MGME1: variants seen among roughly 807,000 people sequenced by gnomAD.
MGME1 encodes chromosome 20 open reading frame 72.
In MGME1, 22 loss-of-function variants were observed where a neutral mutation model predicts 33.0. That is an observed-to-expected ratio of 0.67 (90% CI 0.48 to 0.95). The LOEUF is 0.95. MGME1 is among the 40% of genes least tolerant of loss of function. MGME1 has a pLI of 0.00. For synonymous variants in MGME1, 133 were observed against 144.0 expected (o/e 0.92, Z 0.55); for missense variants, 383 against 397.8 (o/e 0.96, Z 0.32).
At chr20:17,973,335 G>C (rs1600380204) in intron 2 of MGME1, among the ~76,000 whole-genome samples, 4 of 151,778 alleles carry the variant, frequency 2.6e-5, no homozygotes, top group Admixed American at 2.6e-4. Context: ...AAAAAGAATT[G>C]ACATTTCCAT....
At chr20:17,969,738 A>G (rs911974738) in intron 1 of MGME1, 63 bp from the exon 2 acceptor site, 5 of 1,049,426 alleles carry the variant, frequency 4.8e-6, no homozygotes, top group Non-Finnish European at 5.5e-6. Flanking sequence ...AAAGTTCACA[A>G]TTTTGATGTG....
At position 17,970,379 on chromosome 20, in the gene MGME1, C is replaced by T. The variant is rs2122484131; in HGVS notation, c.511+9C>T. On this transcript the variant is annotated intron_variant, in intron 2 of 4. Coordinates refer to ENST00000377710, the MANE Select transcript of MGME1 (RefSeq NM_052865.4). Reference sequence around the variant, plus strand: ...TAAAGAATACACTTCAAGTAATTATCTCAATTCTGATTCTATATGTTTGCT... The same window carrying T: ...TAAAGAATACACTTCAAGTAATTATTTCAATTCTGATTCTATATGTTTGCT... 2 of 1,596,720 alleles carry T rather than the reference C, an allele frequency of 1.3e-6. No homozygotes were observed. Among genetic ancestry groups the T allele is most frequent in the East Asian group, 2.2e-5 (1 of 44,758 alleles).
chr20:17,975,735 C>T lies in MGME1; in HGVS notation c.563C>T (p.Ser188Leu). 3 of 1,613,942 alleles carry T rather than the reference C, an allele frequency of 1.9e-6. No individual in the cohort carries two copies. Among genetic ancestry groups the T allele is most frequent in the Non-Finnish European group, 1.7e-6 (2 of 1,179,992 alleles). ...RFHEALESIL[S>L]PQETLKERDE... ...CACGAAGCCTTGGAAAGCATACTTT[C>T]ACCCCAGGAAACCTTAAAAGAGAGA... The change falls in exon 3 of 5, where the codon TCA becomes TTA. Residue 188 changes from serine to leucine, a missense_variant. Coordinates refer to ENST00000377710, the MANE Select transcript of MGME1 (RefSeq NM_052865.4).
At chr20:17,989,015 G>T (rs1444427866) in intron 4 of MGME1, among the ~76,000 whole-genome samples, 1 of 152,132 alleles carries the variant, frequency 6.6e-6, no homozygotes, top group East Asian at 1.9e-4. Context: ...CTTGAGCCCA[G>T]GAAGTGGAGG....
chr20:17,970,078 G>A lies in MGME1; in HGVS notation c.219G>A (p.Glu73=). Residue 73 remains glutamate (E), a synonymous_variant, in exon 2 of 5, where the codon GAG becomes GAA. Transcript: ENST00000377710. ...TCGCCCAGACCCCGGGATCGGTGGA[G>A]GAAGATGCTTTGCTCTGTGGACCCG... ...RGVAQTPGSV[E]EDALLCGPVS... 1 of 1,614,254 alleles carries A rather than the reference G, an allele frequency of 6.2e-7. No homozygotes were observed. The highest frequency in any genetic ancestry group is 8.5e-7 in the Non-Finnish European group (1 of 1,180,040).
At chr20:17,970,474 C>A in intron 2 of MGME1, 104 bp downstream of exon 2, 1 of 1,133,174 alleles carries the variant, frequency 8.8e-7, no homozygotes, top group Non-Finnish European at 1.2e-6. Flanking sequence ...AACTTACTAG[C>A]AAGGAACTCC....
intron 3 of MGME1, among the ~76,000 whole-genome samples, chr20:17,977,028 G>A (rs896117364): frequency 6.6e-6 from 1 of 151,990 alleles, no homozygotes; most frequent in Non-Finnish European, 1.5e-5. Context: ...AGTGTTACAG[G>A]AAAGGGGTCC....
intron 3 of MGME1, among the ~76,000 whole-genome samples, chr20:17,982,354 A>G (rs560010887): frequency 6.6e-6 from 1 of 152,244 alleles, no homozygotes; most frequent in South Asian, 2.1e-4. Context: ...TCCTGACCTC[A>G]GGTGATCCAC....
chr20:17,988,715 A>C (rs552061663), intron 4 of MGME1, among the ~76,000 whole-genome samples: 1 of 151,972 alleles, frequency 6.6e-6, no homozygotes, highest in Non-Finnish European at 1.5e-5. Context: ...AAAAAAAAAA[A>C]AGTTAAAAAA....
upstream of MGME1, chr20:17,968,796 C>T (rs369961701): frequency 1.1e-5 from 3 of 273,310 alleles, no homozygotes; most frequent in Non-Finnish European, 2.1e-5. Context: ...TAGAGAAAGA[C>T]CGCGTTTCGG....
chr20:17,984,075 A>G (rs965968908), intron 3 of MGME1, among the ~76,000 whole-genome samples: 2 of 152,010 alleles, frequency 1.3e-5, no homozygotes, highest in African/African-American at 4.8e-5. Flanking sequence ...TTAAATTTTA[A>G]GTTGATTTTT....
In MGME1 at chr20:17,990,367, T is replaced by C. The variant is rs2036266580; in HGVS notation, c.*258T>C. ...TTACCTGAAAGGAGGACACGCAGGA[T>C]GGGCAGTCATGCTGGTGACTCTTGT... On this transcript the variant is annotated 3_prime_UTR_variant, in exon 5 of 5. Transcript: ENST00000377710. 3.1e-6 allele frequency: 1 copy of C among 324,026 alleles called. No individual in the cohort carries two copies. Among genetic ancestry groups the C allele is most frequent in the Admixed American group, 4.6e-5 (1 of 21,650 alleles). The allele number at this position is 324,026 out of a possible 1,614,324, so 20.1% of individuals were successfully genotyped here.
intron 3 of MGME1, among the ~76,000 whole-genome samples, chr20:17,986,032 A>AT (rs73617218): frequency 9.2e-4 from 136 of 147,368 alleles, no homozygotes; most frequent in African/African-American, 2.5e-3. Flanking sequence ...TAATTTTAGG[A>AT]TTTTTTTTTT....
At chr20:17,972,130 G>T (rs148682194) in intron 2 of MGME1, among the ~76,000 whole-genome samples, 1 of 152,098 alleles carries the variant, frequency 6.6e-6, no homozygotes, top group Non-Finnish European at 1.5e-5. Context: ...AAAGAAAAAG[G>T]GCTCACTAAA....
chr20:17,979,216 A>C (rs1350811699), intron 3 of MGME1, among the ~76,000 whole-genome samples: 2 of 151,338 alleles, frequency 1.3e-5, no homozygotes, highest in Non-Finnish European at 2.9e-5. Flanking sequence ...AGTTGGGACC[A>C]CAGATGCGAA....
chr20:17,988,055 C>T lies in MGME1; in HGVS notation c.732-111C>T, dbSNP rs865870510. Reference sequence around the variant, plus strand: ...AAAGGAAAAAAATGGTGAATAAGAGCAATGGTCATTGGCTGACAAGTAACA... The same window carrying T: ...AAAGGAAAAAAATGGTGAATAAGAGTAATGGTCATTGGCTGACAAGTAACA... On this transcript the variant is annotated intron_variant, in intron 3 of 4. Coordinates refer to ENST00000377710, the MANE Select transcript of MGME1 (RefSeq NM_052865.4). The T allele has an allele frequency of 7.5e-6, 8 of 1,063,422 alleles. No individual in the cohort carries two copies. In the Middle Eastern group the frequency reaches 1.7e-3, roughly 225 times the overall value. 65.9% of individuals were successfully genotyped at this position (1,063,422 alleles called of 1,614,324 possible).
chr20:17,983,267 T>TTTTGTGTGTG (rs79417227), intron 3 of MGME1, among the ~76,000 whole-genome samples: 52 of 142,684 alleles, frequency 3.6e-4, no homozygotes, highest in African/African-American at 1.3e-3. Flanking sequence ...TAGTGTTCTA[T>TTTTGTGTGTG]TGTGTGTGTG....
In MGME1 at chr20:17,990,410, T is replaced by TGGGCGGGGGGGG. The variant is rs1555792156; in HGVS notation, c.*304_*305insCGGGGGGGGGGG. 4 of 44,516 alleles carry TGGGCGGGGGGGG rather than the reference T, an allele frequency of 9.0e-5. No homozygotes were observed. Among genetic ancestry groups the TGGGCGGGGGGGG allele is most frequent in the African/African-American group, 5.6e-4 (4 of 7,192 alleles). The allele number at this position is 44,516 out of a possible 1,614,324, so 2.8% of individuals were successfully genotyped here. ...ACTCTTGTACTCCCTTGAGGGACAT[T>TGGGCGGGGGGGG]GGGGGGGGGGGGGCGTGGTCCCAGG... On this transcript the variant is annotated 3_prime_UTR_variant, in exon 5 of 5. Transcript: ENST00000377710.
At chr20:17,987,170 TAAAA>T (rs373017515) in intron 3 of MGME1, among the ~76,000 whole-genome samples, 10 of 122,384 alleles carry the variant, frequency 8.2e-5, no homozygotes, top group Admixed American at 8.3e-5. Context: ...AGACTCCATC[TAAAA>T]AAAAAAAAAA....
Sources: gnomAD v4.1 joint callset for allele counts (sites outside exome capture counted in the v4.1 genomes callset) on GRCh38, gnomAD v4.1.1 for gene constraint, MANE v1.5 for transcripts, NCBI Gene and HGNC (gene_info 2026-07-23, HGNC 2026-07-21) for gene names.